DLGAP1: variants seen among roughly 807,000 people sequenced by gnomAD.
The protein encoded by DLGAP1 is DLG associated protein 1, also known as disks large-associated protein 1.
In DLGAP1, 11 loss-of-function variants were observed where a neutral mutation model predicts 90.8. The ratio of observed to expected loss-of-function variants is 0.12; its 90% CI spans 0.08 to 0.20. The LOEUF (loss-of-function observed/expected upper bound fraction) is 0.20, where lower values mean the gene tolerates loss of function less well. Ranked by LOEUF, DLGAP1 falls within the 10% of genes least tolerant of loss-of-function variation. The pLI is 1.00. For missense variants in DLGAP1, 1,050 were observed against 1,333.8 expected (o/e 0.79, Z 3.31); for synonymous variants, 558 against 540.7 (o/e 1.03, Z -0.44).
Position 3,874,547 on chromosome 18 carries a change from A to C in DLGAP1, c.957+4565T>G, listed in dbSNP as rs2070943082. Reference sequence around the variant, plus strand: ...TTAAAAGCAAAAACAAAACAACAACAAAAACCACCTTTTATTCTATCTCTG... The same window carrying C: ...TTAAAAGCAAAAACAAAACAACAACCAAAACCACCTTTTATTCTATCTCTG... On this transcript the variant is annotated intron_variant, in intron 4 of 12. Coordinates refer to ENST00000315677, the MANE Select transcript of DLGAP1 (RefSeq NM_004746.4). 9 of 1,471,384 alleles carry C rather than the reference A, an allele frequency of 6.1e-6. No homozygotes were observed. The South Asian group carries it at 1.2e-4, about 20-fold the overall frequency. 91.1% of individuals were successfully genotyped at this position (1,471,384 alleles called of 1,614,324 possible).
chr18:4,143,636 A>G lies in DLGAP1; in HGVS notation c.-159+7544T>C, dbSNP rs1286616576. On this transcript the variant is annotated intron_variant, in intron 2 of 12. Transcript: ENST00000315677. ...GTGAGCAAGCTAGTACCTATGGTGC[A>G]AGACAAAGTCCACTTTACTTTCCCC... Among the ~76,000 whole-genome samples, 7 of 152,052 alleles carry G rather than the reference A, an allele frequency of 4.6e-5. No homozygotes were observed. The East Asian group carries it at 1.4e-3, about 30-fold the overall frequency.
intron 7 of DLGAP1, among the ~76,000 whole-genome samples, chr18:3,677,172 C>T (rs756413900): frequency 6.6e-6 from 1 of 152,198 alleles, no homozygotes. Context: ...TCTCCAGTTC[C>T]TCAACCACCA....
chr18:4,314,202 C>T (rs2080471320), intron 1 of DLGAP1, among the ~76,000 whole-genome samples: 1 of 152,156 alleles, frequency 6.6e-6, no homozygotes, highest in African/African-American at 2.4e-5. Context: ...AGCAACTTGG[C>T]AGCACATTGA....
At chr18:4,008,224 TATACACAC>T (rs1364127950) in intron 2 of DLGAP1, among the ~76,000 whole-genome samples, 1 of 145,472 alleles carries the variant, frequency 6.9e-6, no homozygotes, top group African/African-American at 2.5e-5. Context: ...AATATATATA[TATACACAC>T]ACACACACAC....
chr18:4,207,059 G>C (rs1568450810), intron 1 of DLGAP1, among the ~76,000 whole-genome samples: 1 of 152,154 alleles, frequency 6.6e-6, no homozygotes, highest in Admixed American at 6.5e-5. Context: ...TAAGCACTGA[G>C]GTGGAGGAAA....
chr18:3,525,018 T>G (rs2051511763), intron 10 of DLGAP1, among the ~76,000 whole-genome samples: 1 of 151,750 alleles, frequency 6.6e-6, no homozygotes, highest in South Asian at 2.1e-4. Context: ...TGGTGGCTAA[T>G]GAATAAAGAA....
chr18:4,332,636 C>T (rs2143746742), intron 1 of DLGAP1, among the ~76,000 whole-genome samples: 1 of 152,024 alleles, frequency 6.6e-6, no homozygotes, highest in Middle Eastern at 3.4e-3. Flanking sequence ...ATACAAAAGG[C>T]AGAGACATTT....
At chr18:3,949,300 G>T (rs1253242306) in intron 3 of DLGAP1, among the ~76,000 whole-genome samples, 4 of 152,240 alleles carry the variant, frequency 2.6e-5, no homozygotes, top group Non-Finnish European at 4.4e-5. Context: ...TCAGTGGGAG[G>T]CTTGGTGGGA....
intron 1 of DLGAP1, among the ~76,000 whole-genome samples, chr18:4,417,495 T>C (rs1438768797): frequency 6.6e-6 from 1 of 152,116 alleles, no homozygotes; most frequent in East Asian, 1.9e-4. Context: ...GTGTAATGAT[T>C]TAGTAAAAAA....
In DLGAP1 at chr18:3,614,070, C is replaced by T. The variant is rs116689409; in HGVS notation, c.1592-31822G>A. Reference sequence around the variant, plus strand: ...CCAGGTAGCTGGGATTATAGGTGCCCACAACCACACCCGGCTAAAGTTTGT... The same window carrying T: ...CCAGGTAGCTGGGATTATAGGTGCCTACAACCACACCCGGCTAAAGTTTGT... On this transcript the variant is annotated intron_variant, in intron 7 of 12. Transcript: ENST00000315677. Among the ~76,000 whole-genome samples the T allele has an allele frequency of 5.6e-3, 848 of 152,160 alleles. 5 individuals are homozygous for T. Among genetic ancestry groups the T allele is most frequent in the African/African-American group, 0.019 (805 of 41,504 alleles).
chr18:3,568,793 T>A (rs922187188), intron 8 of DLGAP1, among the ~76,000 whole-genome samples: 2 of 151,554 alleles, frequency 1.3e-5, no homozygotes, highest in African/African-American at 2.4e-5. Flanking sequence ...TTCACACCAT[T>A]CTCCTGCCTC....
chr18:4,403,872 T>C (rs573611823), intron 1 of DLGAP1, among the ~76,000 whole-genome samples: 1 of 152,186 alleles, frequency 6.6e-6, no homozygotes, highest in Non-Finnish European at 1.5e-5. Flanking sequence ...CTATGAAATA[T>C]CAAGAAGAAG....
intron 7 of DLGAP1, among the ~76,000 whole-genome samples, chr18:3,710,203 G>T (rs762911701): frequency 1.3e-5 from 2 of 152,072 alleles, no homozygotes; most frequent in South Asian, 4.2e-4. Context: ...CTACCAAAAC[G>T]GAACACTTCT....
intron 7 of DLGAP1, among the ~76,000 whole-genome samples, chr18:3,637,574 CAAAAAAA>C (rs35620201): frequency 1.4e-4 from 13 of 94,958 alleles, no homozygotes; most frequent in African/African-American, 4.3e-4. Context: ...TCTCCCCCAC[CAAAAAAA>C]AAAAAAAAAA....
chr18:3,707,863 G>C (rs1043312437), intron 7 of DLGAP1, among the ~76,000 whole-genome samples: 5 of 152,114 alleles, frequency 3.3e-5, no homozygotes, highest in Non-Finnish European at 5.9e-5. Flanking sequence ...TGGGGCCACT[G>C]GGTGACTTGG....
At chr18:4,290,907 C>G (rs1326873488) in intron 1 of DLGAP1, among the ~76,000 whole-genome samples, 2 of 152,092 alleles carry the variant, frequency 1.3e-5, no homozygotes, top group African/African-American at 4.8e-5. Flanking sequence ...GTACGGAGTG[C>G]TCAGCGTGTT....
At chr18:4,095,403 C>T (rs541487256) in intron 2 of DLGAP1, among the ~76,000 whole-genome samples, 63 of 152,208 alleles carry the variant, frequency 4.1e-4, no homozygotes, top group Middle Eastern at 3.4e-3. Flanking sequence ...CCCCATGAGA[C>T]GTCTGGGTGA....
intron 7 of DLGAP1, among the ~76,000 whole-genome samples, chr18:3,622,364 C>T (rs1481042688): frequency 6.6e-6 from 1 of 152,150 alleles, no homozygotes; most frequent in African/African-American, 2.4e-5. Flanking sequence ...TTCATTCTCC[C>T]AAAGTGCTGG....
intron 7 of DLGAP1, among the ~76,000 whole-genome samples, chr18:3,723,570 G>A (rs761760796): frequency 4.6e-5 from 7 of 152,088 alleles, no homozygotes; most frequent in Non-Finnish European, 1.0e-4. Context: ...GTGTGGGGGG[G>A]GAGTGGGGAG....
Sources: allele counts gnomAD v4.1 joint callset (sites outside exome capture counted in the v4.1 genomes callset), GRCh38; gene constraint gnomAD v4.1.1; transcripts MANE v1.5; gene names NCBI Gene and HGNC (gene_info 2026-07-23, HGNC 2026-07-21).